The following BRWD3 variants were observed in gnomAD, a reference collection of about 807,000 sequenced individuals.
BRWD3 encodes bromodomain and WD repeat-containing protein 3.
Under a neutral mutation model 149.7 loss-of-function variants are expected in BRWD3, and 10 were observed. The observed-to-expected ratio is 0.07, with a 90% CI of 0.04 to 0.11. BRWD3 has a LOEUF of 0.11. BRWD3 is among the 10% of genes least tolerant of loss of function. The probability of loss-of-function intolerance (pLI) is 1.00; values close to 1 mark genes in which losing one functional copy is unlikely to be tolerated. For missense variants in BRWD3, 940 were observed against 1,373.2 expected (o/e 0.68, Z 4.99); for synonymous variants, 504 against 456.7 (o/e 1.10, Z -1.32).
intron 6 of BRWD3, among the ~76,000 whole-genome samples, chrX:80,750,055 T>C (rs760323780): frequency 8.9e-5 from 10 of 111,823 alleles, no homozygotes; most frequent in Non-Finnish European, 1.7e-4. Context: ...AGAATGAAAT[T>C]GAACCCTATT....
intron 6 of BRWD3, among the ~76,000 whole-genome samples, chrX:80,758,938 C>T (rs1330301709): frequency 3.6e-5 from 4 of 111,620 alleles, no homozygotes; most frequent in Non-Finnish European, 7.5e-5. Context: ...CTTCTCTTTC[C>T]TAATATCCCC....
At chrX:80,796,547 A>G (rs2074241714) in intron 4 of BRWD3, among the ~76,000 whole-genome samples, 1 of 111,934 alleles carries the variant, frequency 8.9e-6, no homozygotes, top group Non-Finnish European at 1.9e-5. Flanking sequence ...TGTATTCAGA[A>G]TTCTGGTAAC....
intron 6 of BRWD3, among the ~76,000 whole-genome samples, chrX:80,783,978 G>A (rs2074083496): frequency 9.0e-6 from 1 of 111,446 alleles, no homozygotes. Context: ...AAAAAATATA[G>A]TTAGATACAA....
intron 25 of BRWD3, among the ~76,000 whole-genome samples, chrX:80,697,287 T>C (rs1196648685): frequency 1.8e-5 from 2 of 111,773 alleles, no homozygotes; most frequent in Admixed American, 1.9e-4. Context: ...TGAAGACTTA[T>C]ATATTTTAAT....
Position 80,677,294 on chromosome X carries a change from A to C in BRWD3, c.4724T>G (p.Leu1575Arg), listed in dbSNP as rs1311336215. ...TTCATCTTCTTCTGATGCACTAAGT[A>C]GTTTTCTCTTGATTCCTGTCCGGGG... ...REPRTGIKRKLLSASEEDENM... is the reference protein window; with the variant it reads ...REPRTGIKRKRLSASEEDENM... Residue 1575 changes from leucine to arginine, a missense_variant, in exon 41 of 41, where the codon CTA becomes CGA. Physicochemically the swap from Leu to Arg is moderately radical, Grantham distance 102. This residue lies in a region of BRWD3 where 349 missense variants were observed against 419.6 expected (regional missense o/e 0.83). Coordinates refer to ENST00000373275, the MANE Select transcript of BRWD3 (RefSeq NM_153252.5). 8.3e-7 allele frequency: 1 copy of C among 1,209,198 alleles called. No individual in the cohort carries two copies. The highest frequency in any genetic ancestry group is 1.1e-6 in the Non-Finnish European group (1 of 894,596).
At chrX:80,751,923 G>A (rs900859977) in intron 6 of BRWD3, among the ~76,000 whole-genome samples, 1 of 109,035 alleles carries the variant, frequency 9.2e-6, no homozygotes, top group Non-Finnish European at 1.9e-5. Flanking sequence ...TGGCTGAATA[G>A]TACTTGATTA....
intron 6 of BRWD3, among the ~76,000 whole-genome samples, chrX:80,779,017 T>A (rs933898161): frequency 9.3e-6 from 1 of 108,055 alleles, no homozygotes; most frequent in Non-Finnish European, 1.9e-5. Context: ...ACAATTTAAT[T>A]AGAAAACAGA....
intron 6 of BRWD3, among the ~76,000 whole-genome samples, chrX:80,770,153 G>A (rs1469982950): frequency 9.0e-6 from 1 of 111,424 alleles, no homozygotes; most frequent in East Asian, 2.8e-4. Context: ...TAGATTCACA[G>A]CCAAATTCTA....
intron 6 of BRWD3, among the ~76,000 whole-genome samples, chrX:80,757,717 AC>A (rs1188085115): frequency 3.6e-5 from 4 of 112,335 alleles, no homozygotes; most frequent in Admixed American, 9.5e-5. Context: ...TCAATGATAG[AC>A]CGTACTTCTT....
At chrX:80,742,103 G>A (rs187438256) in intron 8 of BRWD3, among the ~76,000 whole-genome samples, 62 of 111,074 alleles carry the variant, frequency 5.6e-4, no homozygotes, top group African/African-American at 1.9e-3. Flanking sequence ...TATAAGGAAG[G>A]GATCCAGCTT....
chrX:80,719,525 G>T lies in BRWD3; in HGVS notation c.2008C>A (p.His670Asn). ...LRLINEGDVP[H>N]LPVNRAYSVN... ...GAGTATGCTCTATTAACTGGTAAAT[G>T]TGGAACATCTCCTTCATTAATTAGT... is the stretch of plus-strand genomic sequence containing the variant. The change falls in exon 18 of 41, where the codon CAT becomes AAT. Residue 670 changes from histidine (H) to asparagine (N), a missense_variant. His to Asn is a moderately conservative substitution (Grantham distance 68). Coordinates refer to ENST00000373275, the MANE Select transcript of BRWD3 (RefSeq NM_153252.5). 1 of 1,208,762 alleles carries T rather than the reference G, an allele frequency of 8.3e-7. No individual in the cohort carries two copies. Among genetic ancestry groups the T allele is most frequent in the Non-Finnish European group, 1.1e-6 (1 of 893,322 alleles).
chrX:80,733,353 C>T (rs2073360543), intron 12 of BRWD3, 103 bp downstream of exon 12: 1 of 626,987 alleles, frequency 1.6e-6, no homozygotes, highest in African/African-American at 2.3e-5. Context: ...ACCTAAATAA[C>T]TGGACAGAAA....
chrX:80,681,900 A>G (rs900262347), intron 39 of BRWD3, 97 bp downstream of exon 39: 3 of 768,033 alleles, frequency 3.9e-6, no homozygotes, highest in Non-Finnish European at 6.0e-6. Flanking sequence ...ATCTAAATCC[A>G]TTGTTCTTTG....
In BRWD3 at chrX:80,716,139, T is replaced by C. The variant is rs148332560; in HGVS notation, c.2325+18A>G. 213 of 1,142,897 alleles carry C rather than the reference T, an allele frequency of 1.9e-4. 2 individuals are homozygous for C. The East Asian group carries it at 6.3e-3, about 34-fold the overall frequency. 94.2% of individuals were successfully genotyped at this position (1,142,897 alleles called of 1,213,427 possible). On this transcript the variant is annotated intron_variant, in intron 20 of 40. Transcript: ENST00000373275. Reference sequence around the variant, plus strand: ...TCTGCAAATAGTGTATCCCAAAGTATTGTAAAACTATACTTACCCTTTGAG... The same window carrying C: ...TCTGCAAATAGTGTATCCCAAAGTACTGTAAAACTATACTTACCCTTTGAG...
intron 33 of BRWD3, among the ~76,000 whole-genome samples, chrX:80,688,613 A>C (rs982390699): frequency 9.0e-6 from 1 of 111,054 alleles, no homozygotes; most frequent in African/African-American, 3.3e-5. Flanking sequence ...TCAAGACCCA[A>C]GCACCACTAG....
rs1433943650 is a variant in BRWD3, at chrX:80,671,773, C to T, written c.*4836G>A. The T allele has an allele frequency of 4.5e-5, 5 of 111,566 alleles. No individual in the cohort carries two copies. Among genetic ancestry groups the T allele is most frequent in the Non-Finnish European group, 9.4e-5 (5 of 53,072 alleles). The allele number at this position is 111,566 out of a possible 1,213,427, so 9.2% of individuals were successfully genotyped here. Reference sequence around the variant, plus strand: ...TATCAACTATGAACTGATTTTCCATCTTAAAATGTATGGATACCAAGAACA... The same window carrying T: ...TATCAACTATGAACTGATTTTCCATTTTAAAATGTATGGATACCAAGAACA... On this transcript the variant is annotated 3_prime_UTR_variant, in exon 41 of 41. Transcript: ENST00000373275.
chrX:80,747,625 G>A (rs781268702), intron 6 of BRWD3, among the ~76,000 whole-genome samples: 1 of 111,610 alleles, frequency 9.0e-6, no homozygotes, highest in Admixed American at 9.5e-5. Context: ...TTTCATCAAT[G>A]TTTTATAGTT....
intron 6 of BRWD3, among the ~76,000 whole-genome samples, chrX:80,762,518 G>T (rs1241024659): frequency 9.1e-6 from 1 of 109,571 alleles, no homozygotes; most frequent in African/African-American, 3.3e-5. Flanking sequence ...TTTTCTGGGT[G>T]CCAAGTGCCT....
intron 6 of BRWD3, among the ~76,000 whole-genome samples, chrX:80,773,824 C>T (rs557155432): frequency 1.8e-5 from 2 of 112,215 alleles, no homozygotes; most frequent in Admixed American, 1.9e-4. Flanking sequence ...CTCCTTCTTG[C>T]AATGCCCATT....
Sources: allele counts gnomAD v4.1 joint callset (sites outside exome capture counted in the v4.1 genomes callset), GRCh38; gene constraint gnomAD v4.1.1; regional missense constraint gnomAD v4.1.1; transcripts MANE v1.5; gene names NCBI Gene and HGNC (gene_info 2026-07-23, HGNC 2026-07-21).